GTF2IRD2: variants seen among roughly 807,000 people sequenced by gnomAD.
GTF2IRD2 encodes the protein general transcription factor II-I repeat domain-containing protein 2A.
A neutral mutation model predicts 49.2 loss-of-function variants in GTF2IRD2; 8 were observed. The observed-to-expected ratio is 0.16, with a 90% CI of 0.10 to 0.29. The LOEUF is 0.29. GTF2IRD2 is among the 10% of genes least tolerant of loss of function. GTF2IRD2 has a pLI of 1.00. For synonymous variants in GTF2IRD2, 47 were observed against 289.7 expected, an observed-to-expected ratio of 0.16 and a Z score of 8.51; for missense variants, 130 against 725.7, an observed-to-expected ratio of 0.18 and a Z score of 9.43.
At position 74,797,635 on chromosome 7, in the gene GTF2IRD2, T is replaced by A. The variant is rs1432257704; in HGVS notation, c.1877A>T (p.Asp626Val). ...TTTTGTGACAAGCCCGTTATTGGCATCCACCATCGCTGGGGTGCCAGTGGA... is the reference window on the plus strand; with the variant it reads ...TTTTGTGACAAGCCCGTTATTGGCAACCACCATCGCTGGGGTGCCAGTGGA... ...VASTGTPAMV[D>V]ANNGLVTKLK... The change falls in exon 16 of 16, where the codon GAT becomes GTT. Residue 626 changes from aspartate to valine, a missense_variant. By Grantham distance (152) the Asp-to-Val change is radical. Transcript: ENST00000451013. The A allele has an allele frequency of 6.2e-7, 1 of 1,605,634 alleles. No individual in the cohort carries two copies. Among genetic ancestry groups the A allele is most frequent in the Non-Finnish European group, 8.5e-7 (1 of 1,177,412 alleles).
rs1799940723 is a variant in GTF2IRD2, at chr7:74,832,676, AATCCAAGAAG to A, written c.238+119_238+128del. 8.8e-6 allele frequency: 13 copies of A among 1,469,116 alleles called. No individual in the cohort carries two copies. In the Middle Eastern group the frequency reaches 7.2e-4, roughly 81 times the overall value. The allele number at this position is 1,469,116 out of a possible 1,614,324, so 91.0% of individuals were successfully genotyped here. A position where few individuals can be genotyped will look rare whatever the true frequency, so the allele number is the denominator to read the frequency against. On this transcript the variant is annotated intron_variant, in intron 3 of 15. Coordinates refer to ENST00000451013, the MANE Select transcript of GTF2IRD2 (RefSeq NM_173537.5). The stretch of plus-strand genomic sequence containing the variant: ...TAAGCAGTGTTTATTTGGTAAGCTG[AATCCAAGAAG>A]ATGTGTTAGGATCGTTTCTAGGAGA...
chr7:74,844,914 A>G (rs1156338013), intron 1 of GTF2IRD2, among the ~76,000 whole-genome samples: 1 of 99,488 alleles, frequency 1.0e-5, no homozygotes, highest in Non-Finnish European at 2.3e-5. Context: ...GCTGGTCTCA[A>G]ACTCCTGACC....
intron 8 of GTF2IRD2, among the ~76,000 whole-genome samples, chr7:74,815,802 G>GAAAGA (rs1256253941): frequency 6.4e-3 from 62 of 9,616 alleles, no homozygotes; most frequent in South Asian, 0.052. Context: ...AAGAAGGAAA[G>GAAAGA]AAAGAAAGAA....
intron 8 of GTF2IRD2, among the ~76,000 whole-genome samples, chr7:74,813,400 A>AAGG (rs1170059336): frequency 2.5e-5 from 1 of 39,350 alleles, no homozygotes; most frequent in African/African-American, 8.4e-5. Flanking sequence ...AAAAAAAAAG[A>AAGG]AAGGAAGGAG....
intron 3 of GTF2IRD2, among the ~76,000 whole-genome samples, chr7:74,831,504 T>C (rs1487158270): frequency 3.1e-4 from 37 of 119,516 alleles, no homozygotes; most frequent in South Asian, 8.9e-4. Context: ...TCTCTGTACA[T>C]ACACACACAC....
chr7:74,798,814 T>C (rs1441532391), intron 15 of GTF2IRD2, among the ~76,000 whole-genome samples: 2 of 142,748 alleles, frequency 1.4e-5, no homozygotes, highest in Non-Finnish European at 3.0e-5. Flanking sequence ...CAGCCAGATC[T>C]TCAGGTTTTC....
At chr7:74,822,364 T>A in intron 6 of GTF2IRD2, 63 bp downstream of exon 6, 2 of 667,916 alleles carry the variant, frequency 3.0e-6, no homozygotes, top group Non-Finnish European at 5.4e-6. Context: ...ATTCAAGTTT[T>A]AATGAAGAAG....
chr7:74,829,887 C>CAAAAAAACAACAAA, intron 3 of GTF2IRD2, among the ~76,000 whole-genome samples: 1 of 59,828 alleles, frequency 1.7e-5, no homozygotes, highest in Non-Finnish European at 3.3e-5. Flanking sequence ...GATTCTGTCT[C>CAAAAAAACAACAAA]AAAAAAAAAA....
At chr7:74,829,964 G>A (rs1219722525) in intron 3 of GTF2IRD2, among the ~76,000 whole-genome samples, 4 of 150,308 alleles carry the variant, frequency 2.7e-5, no homozygotes, top group Non-Finnish European at 5.9e-5. Context: ...AGCAAATTTG[G>A]AGGTCTCATA....
At position 74,806,991 on chromosome 7, in the gene GTF2IRD2, C is replaced by T. The variant is rs1797826944; in HGVS notation, c.892G>A (p.Val298Ile). 6.7e-6 allele frequency: 1 copy of T among 148,416 alleles called. No homozygotes were observed. The highest frequency in any genetic ancestry group is 1.1e-4 in the African/African-American group (1 of 9,288). 9.2% of individuals were successfully genotyped at this position (148,416 alleles called of 1,614,324 possible). A position where few individuals can be genotyped will look rare whatever the true frequency, so the allele number is the denominator to read the frequency against. Residue 298 changes from valine (V) to isoleucine (I), a missense_variant, in exon 12 of 16, where the codon GTT (valine) becomes ATT (isoleucine). By Grantham distance (29) the Val-to-Ile change is conservative. Coordinates refer to ENST00000451013, the MANE Select transcript of GTF2IRD2 (RefSeq NM_173537.5). ...KIEGNTNSSSVTNSAAGVEDL... is the reference protein window; with the variant it reads ...KIEGNTNSSSITNSAAGVEDL... ...TCAACACCTGCTGCAGAATTTGTAA[C>T]ACTGGATGAATTTGTGTTTCCTTAA...
In GTF2IRD2 at chr7:74,834,176, T is replaced by TG. The variant is rs1350120349; in HGVS notation, c.100-1234dup. On this transcript the variant is annotated intron_variant, in intron 2 of 15. Transcript: ENST00000451013. The stretch of plus-strand genomic sequence containing the variant: ...CTCTTGCCTCAGCTTCTCTAGTAGC[T>TG]GGGACTATAGGCATGTGTCACCACG... Among the ~76,000 whole-genome samples the TG allele has an allele frequency of 2.2e-4, 14 of 62,708 alleles. No homozygotes were observed. In the East Asian group the frequency reaches 5.6e-3, roughly 25 times the overall value. The allele number at this position is 62,708 out of a possible 152,430, so 41.1% of individuals were successfully genotyped here. A position where few individuals can be genotyped will look rare whatever the true frequency, so the allele number is the denominator to read the frequency against.
At chr7:74,836,764 C>T (rs1331930570) in intron 1 of GTF2IRD2, among the ~76,000 whole-genome samples, 1 of 151,824 alleles carries the variant, frequency 6.6e-6, no homozygotes, top group African/African-American at 2.4e-5. Context: ...CGGGGTTTTG[C>T]CATGTTACCT....
chr7:74,842,815 G>C (rs1200676242), intron 1 of GTF2IRD2, among the ~76,000 whole-genome samples: 1 of 145,550 alleles, frequency 6.9e-6, no homozygotes, highest in African/African-American at 2.7e-5. Flanking sequence ...CAGCCTCCCA[G>C]AGTGTTGGGA....
intron 2 of GTF2IRD2, among the ~76,000 whole-genome samples, chr7:74,833,221 T>TGTG (rs1469185428): frequency 2.7e-5 from 3 of 111,956 alleles, no homozygotes; most frequent in Admixed American, 1.9e-4. Flanking sequence ...CCTGGCTAAT[T>TGTG]TGTGTGTGTG....
At chr7:74,821,947 C>T (rs1266232993) in intron 6 of GTF2IRD2, 6 of 181,544 alleles carry the variant, frequency 3.3e-5, no homozygotes, top group African/African-American at 7.6e-5. Flanking sequence ...GATACATCTG[C>T]AGAATGTGCA....
intron 2 of GTF2IRD2, among the ~76,000 whole-genome samples, chr7:74,835,979 T>A (rs1800271925): frequency 7.9e-6 from 1 of 127,052 alleles, no homozygotes; most frequent in African/African-American, 4.4e-5. Flanking sequence ...AGCAAGACTC[T>A]GTCTCAAAAA....
At chr7:74,830,595 A>T (rs1382354994) in intron 3 of GTF2IRD2, among the ~76,000 whole-genome samples, 1 of 146,410 alleles carries the variant, frequency 6.8e-6, no homozygotes, top group African/African-American at 2.5e-5. Context: ...GGAGGCCATT[A>T]TCCTATGTAA....
intron 8 of GTF2IRD2, chr7:74,818,992 T>G (rs1798698564): frequency 6.1e-6 from 1 of 162,878 alleles, no homozygotes; most frequent in African/African-American, 2.5e-5. Context: ...TGGTGCGATC[T>G]TGGCTCACTG....
At chr7:74,841,921 C>G (rs1554421916) in intron 1 of GTF2IRD2, among the ~76,000 whole-genome samples, 1 of 138,538 alleles carries the variant, frequency 7.2e-6, no homozygotes, top group African/African-American at 2.9e-5. Flanking sequence ...GTCAAGAGAT[C>G]GAGACCATCC....
Sources: allele counts gnomAD v4.1 joint callset (sites outside exome capture counted in the v4.1 genomes callset), GRCh38; gene constraint gnomAD v4.1.1; transcripts MANE v1.5; gene names NCBI Gene and HGNC (gene_info 2026-07-23, HGNC 2026-07-21).